The following NAGLU variants were observed in gnomAD, a reference collection of about 807,000 sequenced individuals.
The protein encoded by NAGLU is alpha-N-acetylglucosaminidase.
Under a neutral mutation model 43.4 loss-of-function variants are expected in NAGLU, and 34 were observed. That is an observed-to-expected ratio of 0.78 (90% CI 0.60 to 1.04). NAGLU has a LOEUF of 1.04. NAGLU is among the 50% of genes least tolerant of loss of function. The pLI, the probability that NAGLU is intolerant of heterozygous loss-of-function variation, is 0.00. For missense variants in NAGLU, 910 were observed against 993.7 expected, an observed-to-expected ratio of 0.92 and a Z score of 1.13; for synonymous variants, 425 against 437.6, an observed-to-expected ratio of 0.97 and a Z score of 0.36.
rs1405289098 is a variant in NAGLU at position 42,538,728 on chromosome 17, C to A, written c.737C>A (p.Ala246Glu). ...FGMTPVLPAF[A>E]GHVPEAVTRV... The stretch of plus-strand genomic sequence containing the variant: ...ATGACCCCAGTGCTGCCTGCATTCG[C>A]GGGGCATGTTCCCGAGGCTGTCACC... The change falls in exon 4 of 6, where the codon GCG becomes GAG. Residue 246 changes from alanine (A) to glutamate (E), a missense_variant. Coordinates refer to ENST00000225927, the MANE Select transcript of NAGLU (RefSeq NM_000263.4). The A allele has an allele frequency of 2.5e-6, 4 of 1,613,916 alleles. No individual in the cohort carries two copies. Among genetic ancestry groups the A allele is most frequent in the Non-Finnish European group, 3.4e-6 (4 of 1,180,036 alleles).
Position 42,536,520 on chromosome 17 carries a change from T to C in NAGLU, c.248T>C (p.Val83Ala). The stretch of plus-strand genomic sequence containing the variant: ...GTGCGGGTGCGCGGCTCCACGGGCG[T>C]GGCGGCCGCCGCGGGGCTGCACCGC... ...ARVRVRGSTGVAAAAGLHRYL... is the reference protein window; with the variant it reads ...ARVRVRGSTGAAAAAGLHRYL... The change falls in exon 1 of 6, where the codon GTG becomes GCG. Residue 83 changes from valine (V) to alanine (A), a missense_variant. Transcript: ENST00000225927. 1 of 1,303,126 alleles carries C rather than the reference T, an allele frequency of 7.7e-7. No individual in the cohort carries two copies. The highest frequency in any genetic ancestry group is 3.2e-5 in the East Asian group (1 of 31,458). 80.7% of individuals were successfully genotyped at this position (1,303,126 alleles called of 1,614,324 possible).
intron 4 of NAGLU, among the ~76,000 whole-genome samples, chr17:42,540,399 TAA>T (rs748272091): frequency 1.5e-4 from 19 of 123,746 alleles, no homozygotes; most frequent in African/African-American, 3.3e-4. Context: ...AAAGTATAAT[TAA>T]AAAAAAAAAA....
rs538496439 is a variant in NAGLU at position 42,540,910 on chromosome 17, G to A, written c.765-40G>A. The A allele has an allele frequency of 1.8e-5, 29 of 1,614,062 alleles. No homozygotes were observed. In the African/African-American group the frequency reaches 3.5e-4, roughly 19 times the overall value. On this transcript the variant is annotated intron_variant, in intron 4 of 5. Transcript: ENST00000225927. ...GTTGAACACTATGGTGAACACTATG[G>A]CGGCTTCCATGAAATATCTGAGCTT...
chr17:42,536,688 A>G lies in NAGLU; in HGVS notation c.383+33A>G, dbSNP rs1446912701. 3 of 1,433,538 alleles carry G rather than the reference A, an allele frequency of 2.1e-6. No individual in the cohort carries two copies. In the Admixed American group the frequency reaches 7.6e-5, roughly 36 times the overall value. The allele number at this position is 1,433,538 out of a possible 1,614,324, so 88.8% of individuals were successfully genotyped here. On this transcript the variant is annotated intron_variant, in intron 1 of 5. Transcript: ENST00000225927. Reference sequence around the variant, plus strand: ...CCCGAAGCTTCCCCGCGTCCGCCCGAGGCGCTTACCCCCTCCCGGAGCCGC... The same window carrying G: ...CCCGAAGCTTCCCCGCGTCCGCCCGGGGCGCTTACCCCCTCCCGGAGCCGC...
rs2092920565 is a variant in NAGLU, at chr17:42,541,100, A to G, written c.915A>G (p.Thr305=). 6.2e-7 allele frequency: 1 copy of G among 1,614,042 alleles called. No individual in the cohort carries two copies. The highest frequency in any genetic ancestry group is 8.5e-7 in the Non-Finnish European group (1 of 1,180,040). ...GAGAGCTGATCAAAGAGTTTGGCACAGACCACATCTATGGGGCCGACACTT... is the reference window on the plus strand; with the variant it reads ...GAGAGCTGATCAAAGAGTTTGGCACGGACCACATCTATGGGGCCGACACTT... ...FLRELIKEFG[T]DHIYGADTFN... is the part of the protein sequence containing the mutation. The change falls in exon 5 of 6, where the codon ACA becomes ACG. Residue 305 remains threonine (T), a synonymous_variant. Coordinates refer to ENST00000225927, the MANE Select transcript of NAGLU (RefSeq NM_000263.4).
In NAGLU at chr17:42,541,044, A is replaced by C; in HGVS notation, c.859A>C (p.Ile287Leu). Residue 287 changes from isoleucine to leucine, a missense_variant, in exon 5 of 6, where the codon ATA becomes CTA. Coordinates refer to ENST00000225927, the MANE Select transcript of NAGLU (RefSeq NM_000263.4). ...CTTCCTTCTGGCTCCGGAAGACCCC[A>C]TATTCCCCATCATCGGGAGCCTCTT... is the stretch of plus-strand genomic sequence containing the variant. Reference protein sequence around the residue: ...CSFLLAPEDPIFPIIGSLFLR... With the variant: ...CSFLLAPEDPLFPIIGSLFLR... 1 of 1,614,170 alleles carries C rather than the reference A, an allele frequency of 6.2e-7. No individual in the cohort carries two copies.
In NAGLU at chr17:42,544,238, A is replaced by G. The variant is rs1555622606; in HGVS notation, c.2232A>G (p.Ter744TrpextTer1). The G allele has an allele frequency of 6.2e-7, 1 of 1,608,280 alleles. No individual in the cohort carries two copies. The highest frequency in any genetic ancestry group is 8.5e-7 in the Non-Finnish European group (1 of 1,179,994). ...YYPRWVAGSW[*>W] ...CCCGCTGGGTGGCCGGCTCTTGGTG[A>G]TAGATTCGCCACCACTGGGCCTTGT... Residue 744 changes from the stop codon to tryptophan, a stop_lost, in exon 6 of 6, where the codon TGA (stop) becomes TGG (tryptophan). Coordinates refer to ENST00000225927, the MANE Select transcript of NAGLU (RefSeq NM_000263.4).
At chr17:42,538,552 A>G in intron 3 of NAGLU, 67 bp downstream of exon 3, 1 of 1,613,106 alleles carries the variant, frequency 6.2e-7, no homozygotes, top group Non-Finnish European at 8.5e-7. Flanking sequence ...GAAGGGTGGT[A>G]TTAGGCCGGC....
chr17:42,541,525 G>A (rs2092921873), intron 5 of NAGLU, among the ~76,000 whole-genome samples: 2 of 152,138 alleles, frequency 1.3e-5, no homozygotes, highest in South Asian at 2.1e-4. Context: ...GTAGAATAAC[G>A]CCTGGCCCAG....
In NAGLU at chr17:42,543,643, C is replaced by T; in HGVS notation, c.1637C>T (p.Ser546Phe). 1 of 1,613,138 alleles carries T rather than the reference C, an allele frequency of 6.2e-7. No homozygotes were observed. Among genetic ancestry groups the T allele is most frequent in the Non-Finnish European group, 8.5e-7 (1 of 1,180,016 alleles). ...GAGGCCTGGCGGCTGCTGCTCACAT[C>T]TGCTCCCTCCCTGGCCACCAGCCCC... ...VFEAWRLLLT[S>F]APSLATSPAF... The change falls in exon 6 of 6, where the codon TCT becomes TTT. Residue 546 changes from serine (S) to phenylalanine (F), a missense_variant. Physicochemically the swap from Ser to Phe is radical, Grantham distance 155. Coordinates refer to ENST00000225927, the MANE Select transcript of NAGLU (RefSeq NM_000263.4).
In NAGLU at chr17:42,536,950, C is replaced by G. The variant is rs894358378; in HGVS notation, c.383+295C>G. ...TGAGTGAATTTTCTTGCCTTCCTCCCCCACCTTCTCTTTGAACCTGCGGAC... is the reference window on the plus strand; with the variant it reads ...TGAGTGAATTTTCTTGCCTTCCTCCGCCACCTTCTCTTTGAACCTGCGGAC... On this transcript the variant is annotated intron_variant, in intron 1 of 5. Transcript: ENST00000225927. The G allele has an allele frequency of 7.4e-6, 4 of 540,626 alleles. No homozygotes were observed. In the African/African-American group the frequency reaches 7.7e-5, roughly 10 times the overall value. The allele number at this position is 540,626 out of a possible 1,614,324, so 33.5% of individuals were successfully genotyped here.
rs903852099 is a variant in NAGLU at position 42,540,507 on chromosome 17, T to C, written c.765-443T>C. 2.0e-5 allele frequency among the ~76,000 whole-genome samples: 3 copies of C among 151,176 alleles called. No individual in the cohort carries two copies. The South Asian group carries it at 6.3e-4, about 32-fold the overall frequency. ...GTCAGCAGATCGAGACCATCCTGGC[T>C]AACACAGTGAAACTCAGTCTCTACT... is the stretch of plus-strand genomic sequence containing the variant. On this transcript the variant is annotated intron_variant, in intron 4 of 5. Coordinates refer to ENST00000225927, the MANE Select transcript of NAGLU (RefSeq NM_000263.4).
At position 42,536,580 on chromosome 17, in the gene NAGLU, G is replaced by T; in HGVS notation, c.308G>T (p.Trp103Leu). Residue 103 changes from tryptophan (W) to leucine (L), a missense_variant, in exon 1 of 6, where the codon TGG becomes TTG. Coordinates refer to ENST00000225927, the MANE Select transcript of NAGLU (RefSeq NM_000263.4). ...LRDFCGCHVA[W>L]SGSQLRLPRP... ...GACTTCTGTGGCTGCCACGTGGCCT[G>T]GTCCGGCTCTCAGCTGCGCCTGCCG... The T allele has an allele frequency of 6.7e-7, 1 of 1,490,408 alleles. No homozygotes were observed. Among genetic ancestry groups the T allele is most frequent in the South Asian group, 1.3e-5 (1 of 78,850 alleles). 92.3% of individuals were successfully genotyped at this position (1,490,408 alleles called of 1,614,324 possible).
rs763057510 is a variant in NAGLU, at chr17:42,537,394, G to T, written c.384-4G>T. The T allele has an allele frequency of 1.8e-5, 29 of 1,614,088 alleles. No homozygotes were observed. The highest frequency in any genetic ancestry group is 2.5e-5 in the Non-Finnish European group (29 of 1,179,930). On this transcript the variant is annotated splice_polypyrimidine_tract_variant and splice_region_variant and intron_variant, in intron 1 of 5. Coordinates refer to ENST00000225927, the MANE Select transcript of NAGLU (RefSeq NM_000263.4). ...TGCGCCCCTGCTCATGACACTGCCC[G>T]CAGGTACCGCTATTACCAGAATGTG...
In NAGLU at chr17:42,538,700, G is replaced by A. The variant is rs1347490896; in HGVS notation, c.709G>A (p.Gly237Ser). 4.3e-6 allele frequency: 7 copies of A among 1,613,960 alleles called. No homozygotes were observed. Among genetic ancestry groups the A allele is most frequent in the East Asian group, 2.2e-5 (1 of 44,886 alleles). ...GGTCCTGGACCAGATGCGCTCCTTCGGCATGACCCCAGTGCTGCCTGCATT... is the reference window on the plus strand; with the variant it reads ...GGTCCTGGACCAGATGCGCTCCTTCAGCATGACCCCAGTGCTGCCTGCATT... ...HRVLDQMRSF[G>S]MTPVLPAFAG... The change falls in exon 4 of 6, where the codon GGC becomes AGC. Residue 237 changes from glycine to serine, a missense_variant. Gly to Ser is a moderately conservative substitution (Grantham distance 56). Coordinates refer to ENST00000225927, the MANE Select transcript of NAGLU (RefSeq NM_000263.4).
In NAGLU at chr17:42,543,770, G is replaced by T; in HGVS notation, c.1764G>T (p.Leu588=). ...GAAGCGCCTACCTGAGCAAGGAGCTGGCCTCCCTGTTGAGGGCTGGAGGCG... is the reference window on the plus strand; with the variant it reads ...GAAGCGCCTACCTGAGCAAGGAGCTTGCCTCCCTGTTGAGGGCTGGAGGCG... The part of the protein sequence containing the change: ...EARSAYLSKE[L]ASLLRAGGVL... The change falls in exon 6 of 6, where the codon CTG becomes CTT. Residue 588 remains leucine, a synonymous_variant. Transcript: ENST00000225927. 1 of 1,610,782 alleles carries T rather than the reference G, an allele frequency of 6.2e-7. No individual in the cohort carries two copies. The highest frequency in any genetic ancestry group is 8.5e-7 in the Non-Finnish European group (1 of 1,179,516).
chr17:42,536,736 A>G, intron 1 of NAGLU, 81 bp downstream of exon 1: 3 of 1,350,820 alleles, frequency 2.2e-6, no homozygotes, highest in Non-Finnish European at 2.9e-6. Flanking sequence ...CGGGAGGCTG[A>G]GCGGGGAGCG....
rs147293270 is a variant in NAGLU at position 42,543,444 on chromosome 17, G to T, written c.1438G>T (p.Ala480Ser). Reference sequence around the variant, plus strand: ...GGCAGCCTGGGTGACCAGCTTTGCCGCCCGGCGGTATGGGGTCTCCCACCC... The same window carrying T: ...GGCAGCCTGGGTGACCAGCTTTGCCTCCCGGCGGTATGGGGTCTCCCACCC... Reference protein sequence around the residue: ...DLAAWVTSFAARRYGVSHPDA... With the variant: ...DLAAWVTSFASRRYGVSHPDA... The change falls in exon 6 of 6, where the codon GCC becomes TCC. Residue 480 changes from alanine (A) to serine (S), a missense_variant. By Grantham distance (99) the Ala-to-Ser change is moderately conservative. Transcript: ENST00000225927. 1 of 1,597,668 alleles carries T rather than the reference G, an allele frequency of 6.3e-7. No homozygotes were observed. The highest frequency in any genetic ancestry group is 8.5e-7 in the Non-Finnish European group (1 of 1,173,612).
chr17:42,541,905 A>AT (rs576041392), intron 5 of NAGLU, among the ~76,000 whole-genome samples: 4,998 of 143,880 alleles, frequency 0.035, 248 homozygotes, highest in African/African-American at 0.11. Context: ...GAGAAGCTAC[A>AT]TTTTTTTTTT....
Sources: allele counts gnomAD v4.1 joint callset (sites outside exome capture counted in the v4.1 genomes callset), GRCh38; gene constraint gnomAD v4.1.1; transcripts MANE v1.5; gene names NCBI Gene and HGNC (gene_info 2026-07-23, HGNC 2026-07-21).